HEATR5A: variants seen among roughly 807,000 people sequenced by gnomAD.
HEATR5A encodes the protein HEAT repeat-containing protein 5A.
Under a neutral mutation model 218.8 loss-of-function variants are expected in HEATR5A, and 178 were observed. The ratio of observed to expected loss-of-function variants is 0.81; its 90% CI spans 0.72 to 0.92. The LOEUF (loss-of-function observed/expected upper bound fraction) is 0.92, where lower values mean the gene tolerates loss of function less well. Among genes scored for constraint, HEATR5A ranks in the 40% least tolerant of loss-of-function variants. The probability of loss-of-function intolerance (pLI) is 0.00; values close to 1 mark genes in which losing one functional copy is unlikely to be tolerated. For missense variants in HEATR5A, 2,420 were observed against 2,418.9 expected (o/e 1.00, Z -0.01); for synonymous variants, 864 against 871.6 (o/e 0.99, Z 0.15).
At chr14:31,318,191 T>A (rs1406690692) in intron 26 of HEATR5A, 33 bp downstream of exon 26, 1 of 1,586,962 alleles carries the variant, frequency 6.3e-7, no homozygotes, top group East Asian at 2.2e-5. Context: ...CTTCCCAAGA[T>A]TATCTCTTAA....
At chr14:31,368,946 A>G (rs1230188830) in intron 13 of HEATR5A, among the ~76,000 whole-genome samples, 1 of 152,194 alleles carries the variant, frequency 6.6e-6, no homozygotes, top group Non-Finnish European at 1.5e-5. Context: ...ATAAATGTTT[A>G]TTAATAAAAA....
intron 3 of HEATR5A, among the ~76,000 whole-genome samples, chr14:31,399,296 TG>T: frequency 6.6e-6 from 1 of 152,318 alleles, no homozygotes. Flanking sequence ...ATAATAAGGA[TG>T]TATCAATCTG....
chr14:31,332,407 A>C (rs1181512740), intron 22 of HEATR5A, among the ~76,000 whole-genome samples: 2 of 152,192 alleles, frequency 1.3e-5, no homozygotes, highest in Non-Finnish European at 2.9e-5. Flanking sequence ...CAACAGTATC[A>C]AAATTAGGCC....
chr14:31,371,557 A>G, intron 13 of HEATR5A: 1 of 270,732 alleles, frequency 3.7e-6, no homozygotes, highest in East Asian at 6.6e-5. Context: ...ATAGCTGAAA[A>G]GGTTAAGAGG....
chr14:31,323,362 T>C (rs1042130149), intron 24 of HEATR5A, among the ~76,000 whole-genome samples: 2 of 151,688 alleles, frequency 1.3e-5, no homozygotes, highest in Non-Finnish European at 2.9e-5. Context: ...CAATGTTTCA[T>C]TGTTGCCCAG....
chr14:31,402,903 ACT>A lies in HEATR5A; in HGVS notation c.71_72del (p.Glu24ValfsTer4). 4 of 1,536,192 alleles carry A rather than the reference ACT, an allele frequency of 2.6e-6. No homozygotes were observed. The highest frequency in any genetic ancestry group is 3.5e-6 in the Non-Finnish European group (4 of 1,146,850). ...AAGTATCTCAACCACTCAAAAATAAACTCTGCCTTCTGAACTTCACCTAGTTG... is the reference window on the plus strand; with the variant it reads ...AAGTATCTCAACCACTCAAAAATAAACTGCCTTCTGAACTTCACCTAGTTG... ...YNQLGEVQKA[E>X]FIFEWLRYLE... On this transcript the variant is annotated frameshift_variant, in exon 2 of 36. Coordinates refer to ENST00000543095, the MANE Select transcript of HEATR5A (RefSeq NM_015473.4). LOFTEE classifies it high-confidence loss of function.
chr14:31,415,620 C>T (rs1185046095), intron 1 of HEATR5A, among the ~76,000 whole-genome samples: 13 of 152,218 alleles, frequency 8.5e-5, no homozygotes, highest in Non-Finnish European at 5.9e-5. Flanking sequence ...ATCTGCTTTG[C>T]TTTTTTTCTG....
chr14:31,393,247 C>T (rs1010713561), intron 6 of HEATR5A, among the ~76,000 whole-genome samples: 2 of 152,152 alleles, frequency 1.3e-5, no homozygotes, highest in African/African-American at 2.4e-5. Context: ...TGGTGGCTCA[C>T]GCCTGTAATC....
chr14:31,358,494 AAGT>A (rs1901503487), intron 16 of HEATR5A, 140 bp downstream of exon 16: 37 of 721,894 alleles, frequency 5.1e-5, no homozygotes, highest in South Asian at 3.7e-4. Flanking sequence ...AGTATTAGCC[AAGT>A]GAATAATTAA....
intron 9 of HEATR5A, among the ~76,000 whole-genome samples, chr14:31,386,204 T>C (rs997597734): frequency 2.0e-4 from 31 of 152,140 alleles, no homozygotes; most frequent in Admixed American, 2.0e-4. Flanking sequence ...AGTCTCTAAA[T>C]GGGGGGTAGG....
chr14:31,303,002 C>T (rs1285313751), intron 32 of HEATR5A, among the ~76,000 whole-genome samples: 1 of 149,402 alleles, frequency 6.7e-6, no homozygotes, highest in Non-Finnish European at 1.5e-5. Context: ...GTCCCAGCTA[C>T]TCAGGAGGCT....
In HEATR5A at chr14:31,326,974, A is replaced by AT. The variant is rs529504810; in HGVS notation, c.3368-633dup. 8.8e-3 allele frequency among the ~76,000 whole-genome samples: 1,276 copies of AT among 144,424 alleles called. 14 individuals carry two copies. Among genetic ancestry groups the AT allele is most frequent in the African/African-American group, 0.03 (1,191 of 39,402 alleles). 94.7% of individuals were successfully genotyped at this position (144,424 alleles called of 152,430 possible). A position where few individuals can be genotyped will look rare whatever the true frequency, so the allele number is the denominator to read the frequency against. ...ACTTACAAATTTTATTCAGTGCTTAATTTTTTTTTTTTCCTTTTGAGACAG... is the reference window on the plus strand; with the variant it reads ...ACTTACAAATTTTATTCAGTGCTTAATTTTTTTTTTTTTCCTTTTGAGACAG... On this transcript the variant is annotated intron_variant, in intron 22 of 35. Coordinates refer to ENST00000543095, the MANE Select transcript of HEATR5A (RefSeq NM_015473.4).
chr14:31,342,350 C>T (rs529559173), intron 21 of HEATR5A, among the ~76,000 whole-genome samples: 32 of 152,060 alleles, frequency 2.1e-4, no homozygotes, highest in African/African-American at 5.8e-4. Context: ...ATTGCACCAC[C>T]GCACTCCAGC....
Position 31,360,283 on chromosome 14 carries a change from A to G in HEATR5A, c.2072-1226T>C, listed in dbSNP as rs542467752. ...TTATTTGTTTTGTACAATTTTCTACAGTCTGGGTTTTTATGATTATAGGCC... is the reference window on the plus strand; with the variant it reads ...TTATTTGTTTTGTACAATTTTCTACGGTCTGGGTTTTTATGATTATAGGCC... On this transcript the variant is annotated intron_variant, in intron 14 of 35. Transcript: ENST00000543095. 2.6e-5 allele frequency among the ~76,000 whole-genome samples: 4 copies of G among 152,226 alleles called. No homozygotes were observed. The East Asian group carries it at 7.7e-4, about 29-fold the overall frequency.
Position 31,313,141 on chromosome 14 carries a change from T to G in HEATR5A, c.4268A>C (p.Lys1423Thr). 1 of 1,613,960 alleles carries G rather than the reference T, an allele frequency of 6.2e-7. No homozygotes were observed. Among genetic ancestry groups the G allele is most frequent in the Middle Eastern group, 1.6e-4 (1 of 6,062 alleles). The change falls in exon 28 of 36, where the codon AAG (lysine) becomes ACG (threonine). Residue 1423 changes from lysine to threonine, a missense_variant. By Grantham distance (78) the Lys-to-Thr change is moderately conservative. Transcript: ENST00000543095. ...ACCGTCTTCTAAACAGGTGGTAGTC[T>G]TCAAAGGTTGTCTGTGGTTTTTATG... ...QRHKNHRQPL[K>T]TTTCLEDGIR... is the part of the protein sequence containing the mutation.
At chr14:31,394,683 T>C (rs1365217102) in intron 5 of HEATR5A, among the ~76,000 whole-genome samples, 1 of 152,030 alleles carries the variant, frequency 6.6e-6, no homozygotes, top group Non-Finnish European at 1.5e-5. Context: ...CTGGGCATGG[T>C]GGCAGGCACC....
chr14:31,347,611 C>A lies in HEATR5A; in HGVS notation c.2868+137G>T, dbSNP rs530973888. The A allele has an allele frequency of 3.1e-4, 193 of 628,366 alleles. No homozygotes were observed. In the African/African-American group the frequency reaches 3.5e-3, roughly 11 times the overall value. The allele number at this position is 628,366 out of a possible 1,614,324, so 38.9% of individuals were successfully genotyped here. A position where few individuals can be genotyped will look rare whatever the true frequency, so the allele number is the denominator to read the frequency against. ...GGGGGAAGATTTTAATTTTAAAAAT[C>A]CACCAAGGTTAACAACGGCTTCCAC... On this transcript the variant is annotated intron_variant, in intron 19 of 35. Transcript: ENST00000543095.
intron 33 of HEATR5A, among the ~76,000 whole-genome samples, chr14:31,301,324 T>C (rs983731347): frequency 1.3e-5 from 2 of 152,118 alleles, no homozygotes; most frequent in African/African-American, 4.8e-5. Flanking sequence ...GGCGCAACCT[T>C]GGCTCACTGC....
Position 31,305,162 on chromosome 14 carries a change from G to T in HEATR5A, c.4982C>A (p.Ala1661Asp). The stretch of plus-strand genomic sequence containing the variant: ...AAACTCTGGCAGAGTTTCCTTTTCA[G>T]CAGCCCCATCATCAACTAAAAGAAA... ...RRSAEVDDGA[A>D]EKETLPEFGE... Residue 1661 changes from alanine to aspartate, a missense_variant, in exon 32 of 36, where the codon GCT becomes GAT. Physicochemically the swap from Ala to Asp is moderately radical, Grantham distance 126. Transcript: ENST00000543095. 6.2e-7 allele frequency: 1 copy of T among 1,613,594 alleles called. No homozygotes were observed. Among genetic ancestry groups the T allele is most frequent in the Non-Finnish European group, 8.5e-7 (1 of 1,179,810 alleles).
Sources: allele counts gnomAD v4.1 joint callset (sites outside exome capture counted in the v4.1 genomes callset), GRCh38; gene constraint gnomAD v4.1.1; transcripts MANE v1.5; gene names NCBI Gene and HGNC (gene_info 2026-07-23, HGNC 2026-07-21).